Variants in ZNF233 observed in about 807,000 individuals in gnomAD.
The protein encoded by ZNF233 is zinc finger protein 233.
A neutral mutation model predicts 11.6 loss-of-function variants in ZNF233; 7 were observed. The observed-to-expected ratio is 0.60, with a 90% confidence interval of 0.34 to 1.13. The LOEUF is 1.13. Ranked by LOEUF, ZNF233 falls within the 50% of genes most tolerant of loss-of-function variation. The pLI is 0.03. For missense variants in ZNF233, 711 were observed against 785.5 expected (o/e 0.91, Z 1.13); for synonymous variants, 226 against 268.5 (o/e 0.84, Z 1.55).
chr19:44,262,358 G>A (rs914107301), intron 1 of ZNF233, among the ~76,000 whole-genome samples: 4 of 152,328 alleles, frequency 2.6e-5, no homozygotes, highest in South Asian at 4.1e-4. Flanking sequence ...GCAAAGGCAC[G>A]AGAGGACTTG....
chr19:44,262,780 GGCACAAAGA>G (rs1218939119), intron 1 of ZNF233, among the ~76,000 whole-genome samples: 1 of 152,148 alleles, frequency 6.6e-6, no homozygotes, highest in Non-Finnish European at 1.5e-5. Context: ...TGAGGAAATA[GGCACAAAGA>G]GCTAGTAAGT....
intron 4 of ZNF233, among the ~76,000 whole-genome samples, chr19:44,270,623 G>A (rs1975211852): frequency 6.6e-6 from 1 of 152,184 alleles, no homozygotes; most frequent in South Asian, 2.1e-4. Flanking sequence ...CTAAGTGAGG[G>A]TTCTCACTCC....
intron 4 of ZNF233, chr19:44,267,361 T>G: frequency 2.5e-6 from 1 of 398,776 alleles, no homozygotes; most frequent in Non-Finnish European, 4.4e-6. Context: ...CTTTTTTTTT[T>G]TTTTTTTCTT....
chr19:44,274,136 T>C lies in ZNF233; in HGVS notation c.1476T>C (p.Asn492=), dbSNP rs1433261292. ...TGTGTGATAAGAACTTCAGCCGTAATTCCCACCTTCAGGCCCATCAGAGAG... is the reference window on the plus strand; with the variant it reads ...TGTGTGATAAGAACTTCAGCCGTAACTCCCACCTTCAGGCCCATCAGAGAG... ...CDVCDKNFSR[N]SHLQAHQRVH... is the part of the protein sequence containing the mutation. Residue 492 remains asparagine, a synonymous_variant, in exon 5 of 5, where the codon AAT becomes AAC. Coordinates refer to ENST00000683810, the MANE Select transcript of ZNF233 (RefSeq NM_001207005.2). 6.2e-7 allele frequency: 1 copy of C among 1,613,284 alleles called. No homozygotes were observed. Among genetic ancestry groups the C allele is most frequent in the African/African-American group, 1.3e-5 (1 of 74,640 alleles).
chr19:44,272,354 A>T (rs1228774858), intron 4 of ZNF233, among the ~76,000 whole-genome samples: 1 of 149,974 alleles, frequency 6.7e-6, no homozygotes, highest in Non-Finnish European at 1.5e-5. Flanking sequence ...AAAAAAAAAA[A>T]AAAAAAGTCT....
In ZNF233 at chr19:44,273,059, G is replaced by T. The variant is rs759539997; in HGVS notation, c.399G>T (p.Leu133Phe). 3.1e-6 allele frequency: 5 copies of T among 1,613,956 alleles called. No individual in the cohort carries two copies. The highest frequency in any genetic ancestry group is 1.3e-5 in the African/African-American group (1 of 74,938). Reference sequence around the variant, plus strand: ...ATCTTCAAGGCAAGAGGTCCAAGTTGCTAAAACAAGGTGATTCCCCCTGTC... The same window carrying T: ...ATCTTCAAGGCAAGAGGTCCAAGTTTCTAAAACAAGGTGATTCCCCCTGTC... ...IINLQGKRSK[L>F]LKQGDSPCQV... The change falls in exon 5 of 5, where the codon TTG becomes TTT. Residue 133 changes from leucine to phenylalanine, a missense_variant. Transcript: ENST00000683810.
At position 44,274,571 on chromosome 19, in the gene ZNF233, C is replaced by T. The variant is rs1387214162; in HGVS notation, c.1911C>T (p.Ala637=). The change falls in exon 5 of 5, where the codon GCC becomes GCT. Residue 637 remains alanine (A), a synonymous_variant. Transcript: ENST00000683810. ...KSFSQTSHLQ[A]HQRVHTGEKP... ...TCAGTCAGACTTCACATCTTCAAGC[C>T]CATCAGAGAGTCCATACTGGAGAGA... 3.7e-6 allele frequency: 6 copies of T among 1,614,094 alleles called. No individual in the cohort carries two copies. The highest frequency in any genetic ancestry group is 1.3e-5 in the African/African-American group (1 of 75,016).
At chr19:44,263,470 A>T (rs1974989189) in intron 1 of ZNF233, among the ~76,000 whole-genome samples, 2 of 152,212 alleles carry the variant, frequency 1.3e-5, no homozygotes, top group African/African-American at 2.4e-5. Context: ...CATTTAAGTG[A>T]GACAGATACT....
chr19:44,270,346 T>TAAA (rs398034740), intron 4 of ZNF233, among the ~76,000 whole-genome samples: 121 of 72,692 alleles, frequency 1.7e-3, no homozygotes, highest in South Asian at 7.5e-3. Context: ...CCATCTATAC[T>TAAA]AAAAAAAAAA....
chr19:44,267,376 A>C (rs1975120942), intron 4 of ZNF233: 1 of 393,766 alleles, frequency 2.5e-6, no homozygotes. Flanking sequence ...TTTCTTTAAG[A>C]CAGGTCTCAC....
chr19:44,272,340 CAAA>C (rs34243089), intron 4 of ZNF233, among the ~76,000 whole-genome samples: 15 of 88,738 alleles, frequency 1.7e-4, no homozygotes, highest in African/African-American at 3.4e-4. Context: ...CCTGCAGTCT[CAAA>C]AAAAAAAAAA....
Position 44,272,967 on chromosome 19 carries a change from C to A in ZNF233, c.307C>A (p.Leu103Ile). 1 of 1,612,968 alleles carries A rather than the reference C, an allele frequency of 6.2e-7. No individual in the cohort carries two copies. The highest frequency in any genetic ancestry group is 8.5e-7 in the Non-Finnish European group (1 of 1,179,786). ...VRLRFLSYED[L>I]ICWQIWEQFT... The stretch of plus-strand genomic sequence containing the variant: ...ATTAAGATTCCTTTCATATGAAGAC[C>A]TTATATGCTGGCAAATATGGGAACA... The change falls in exon 5 of 5, where the codon CTT becomes ATT. Residue 103 changes from leucine (L) to isoleucine (I), a missense_variant. Physicochemically the swap from Leu to Ile is conservative, Grantham distance 5. Coordinates refer to ENST00000683810, the MANE Select transcript of ZNF233 (RefSeq NM_001207005.2).
Position 44,274,346 on chromosome 19 carries a change from T to TC in ZNF233, c.1689dup (p.Tyr564LeufsTer4), listed in dbSNP as rs1187806064. Reference sequence around the variant, plus strand: ...ATCAGCAAGTCCATACTGGAGAGAATCCCTACAAATGTGATGTGTGTGGGA... The same window carrying TC: ...ATCAGCAAGTCCATACTGGAGAGAATCCCCTACAAATGTGATGTGTGTGGGA... On this transcript the variant is annotated frameshift_variant, in exon 5 of 5. Coordinates refer to ENST00000683810, the MANE Select transcript of ZNF233 (RefSeq NM_001207005.2). LOFTEE classifies it low-confidence loss of function (END_TRUNC). The TC allele has an allele frequency of 6.2e-6, 10 of 1,603,262 alleles. No homozygotes were observed. Among genetic ancestry groups the TC allele is most frequent in the Non-Finnish European group, 7.6e-6 (9 of 1,176,536 alleles).
intron 2 of ZNF233, 38 bp downstream of exon 2, chr19:44,264,413 T>A: frequency 6.3e-7 from 1 of 1,588,842 alleles, no homozygotes; most frequent in Non-Finnish European, 8.6e-7. Context: ...TAAAATGACA[T>A]CTCTTTTCCT....
intron 1 of ZNF233, among the ~76,000 whole-genome samples, chr19:44,262,429 T>G (rs1279406090): frequency 6.6e-6 from 1 of 152,162 alleles, no homozygotes; most frequent in Non-Finnish European, 1.5e-5. Flanking sequence ...CTGGTACATG[T>G]AGTGAGCAGA....
intron 4 of ZNF233, among the ~76,000 whole-genome samples, chr19:44,272,089 G>GT (rs2123064718): frequency 6.6e-6 from 1 of 151,012 alleles, no homozygotes; most frequent in Non-Finnish European, 1.5e-5. Context: ...TTAATGAGGT[G>GT]TGGTGGCATG....
At chr19:44,265,623 T>C (rs1057056591) in intron 2 of ZNF233, among the ~76,000 whole-genome samples, 11 of 152,180 alleles carry the variant, frequency 7.2e-5, no homozygotes, top group African/African-American at 2.4e-4. Context: ...TGTTTCACCA[T>C]GTTGGTCAGG....
At position 44,274,478 on chromosome 19, in the gene ZNF233, T is replaced by C. The variant is rs1975339097; in HGVS notation, c.1818T>C (p.Tyr606=). Residue 606 remains tyrosine, a synonymous_variant, in exon 5 of 5, where the codon TAT becomes TAC. Transcript: ENST00000683810. The part of the protein sequence containing the change: ...ECRKGFIWNS[Y]LHVHQRIHTG... Reference sequence around the variant, plus strand: ...GGAAAGGCTTCATCTGGAACTCATATCTTCATGTTCATCAGAGGATCCACA... The same window carrying C: ...GGAAAGGCTTCATCTGGAACTCATACCTTCATGTTCATCAGAGGATCCACA... The C allele has an allele frequency of 6.2e-7, 1 of 1,614,008 alleles. No individual in the cohort carries two copies. Among genetic ancestry groups the C allele is most frequent in the Non-Finnish European group, 8.5e-7 (1 of 1,179,984 alleles).
At chr19:44,271,567 T>G (rs933662824) in intron 4 of ZNF233, among the ~76,000 whole-genome samples, 1 of 151,942 alleles carries the variant, frequency 6.6e-6, no homozygotes, top group Non-Finnish European at 1.5e-5. Context: ...TTGAGTGCAG[T>G]GGCACGATCT....
Sources: gnomAD v4.1 joint callset for allele counts (sites outside exome capture counted in the v4.1 genomes callset) on GRCh38, gnomAD v4.1.1 for gene constraint, MANE v1.5 for transcripts, NCBI Gene and HGNC (gene_info 2026-07-23, HGNC 2026-07-21) for gene names.